Variants in PCDHA3 observed in about 807,000 individuals in gnomAD.
PCDHA3 encodes protocadherin alpha 3.
PCDHA3 carries 41 observed loss-of-function variants against 62.2 expected under a neutral mutation model. The ratio of observed to expected loss-of-function variants is 0.66; its 90% CI spans 0.51 to 0.86. The LOEUF is 0.86. PCDHA3 is among the 40% of genes least tolerant of loss of function. PCDHA3 has a pLI of 0.00. For missense variants in PCDHA3, 1,304 were observed against 1,241.2 expected (o/e 1.05, Z -0.76); for synonymous variants, 640 against 555.4 (o/e 1.15, Z -2.14).
intron 1 of PCDHA3, chr5:140,822,371 T>C: frequency 1.2e-6 from 2 of 1,614,080 alleles, no homozygotes; most frequent in South Asian, 2.2e-5. Context: ...AGGAAATCCT[T>C]AGATAGAGAA....
chr5:140,870,524 T>C (rs1554164360), intron 1 of PCDHA3: 35 of 1,614,076 alleles, frequency 2.2e-5, no homozygotes, highest in Non-Finnish European at 2.8e-5. Context: ...TGCCACATCT[T>C]CACAGTGTCG....
chr5:140,871,017 G>C, intron 1 of PCDHA3: 2 of 1,613,298 alleles, frequency 1.2e-6, no homozygotes, highest in Non-Finnish European at 8.5e-7. Flanking sequence ...CCCTGGACGA[G>C]GCAGACTCGC....
chr5:140,847,343 G>C (rs1554141738), intron 1 of PCDHA3: 1 of 149,722 alleles, frequency 6.7e-6, no homozygotes, highest in Non-Finnish European at 1.5e-5. Flanking sequence ...CACCTCTTAG[G>C]CTGTTATCAG....
intron 1 of PCDHA3, chr5:140,836,178 G>C (rs2150254808): frequency 6.2e-7 from 1 of 1,613,826 alleles, no homozygotes. Flanking sequence ...TGCAGTTGAC[G>C]CTGACTCAGG....
chr5:140,907,782 G>A (rs1285928394), intron 1 of PCDHA3, among the ~76,000 whole-genome samples: 1 of 152,158 alleles, frequency 6.6e-6, no homozygotes, highest in African/African-American at 2.4e-5. Flanking sequence ...AGGGGTGGCT[G>A]GGGAAAGAGG....
chr5:140,946,781 G>A (rs1006814243), intron 1 of PCDHA3, among the ~76,000 whole-genome samples: 6 of 151,330 alleles, frequency 4.0e-5, no homozygotes, highest in African/African-American at 1.2e-4. Flanking sequence ...ATGTAAAAAA[G>A]CTGATCTTAT....
At chr5:140,858,305 C>A in intron 1 of PCDHA3, 1 of 1,597,172 alleles carries the variant, frequency 6.3e-7, no homozygotes. Context: ...GCAGCAGAGG[C>A]GGCAGAGGGT....
At chr5:140,862,122 G>A (rs2047215545) in intron 1 of PCDHA3, 2 of 161,786 alleles carry the variant, frequency 1.2e-5, no homozygotes, top group Admixed American at 5.7e-5. Flanking sequence ...ATAAATAAAT[G>A]TAAAGATAGG....
At chr5:140,923,910 C>T (rs1280601799) in intron 1 of PCDHA3, among the ~76,000 whole-genome samples, 5 of 152,156 alleles carry the variant, frequency 3.3e-5, no homozygotes, top group African/African-American at 1.2e-4. Flanking sequence ...GTGAAGATTT[C>T]CCATACTGTT....
Position 140,809,291 on chromosome 5 carries a change from A to T in PCDHA3, c.2394+5700A>T, listed in dbSNP as rs782054971. 36 of 1,613,936 alleles carry T rather than the reference A, an allele frequency of 2.2e-5. No individual in the cohort carries two copies. Among genetic ancestry groups the T allele is most frequent in the Admixed American group, 2.2e-4 (13 of 60,012 alleles). On this transcript the variant is annotated intron_variant, in intron 1 of 3. Coordinates refer to ENST00000522353, the MANE Select transcript of PCDHA3 (RefSeq NM_018906.3). Reference sequence around the variant, plus strand: ...GGTGGATGTCAACGTATACCTGATCATTGCCATCTGCGCGGTGTCCAGCCT... The same window carrying T: ...GGTGGATGTCAACGTATACCTGATCTTTGCCATCTGCGCGGTGTCCAGCCT...
At chr5:140,860,259 A>T (rs559860776) in intron 1 of PCDHA3, 1 of 151,706 alleles carries the variant, frequency 6.6e-6, no homozygotes. Flanking sequence ...TTTAGTCCCT[A>T]CTGTAGTGCT....
intron 1 of PCDHA3, chr5:140,808,911 G>T (rs1554124881): frequency 6.2e-7 from 1 of 1,613,456 alleles, no homozygotes; most frequent in Non-Finnish European, 8.5e-7. Context: ...GGCACTGGTG[G>T]CGCAGTGAGC....
intron 1 of PCDHA3, chr5:140,968,638 A>T: frequency 6.2e-7 from 1 of 1,614,184 alleles, no homozygotes; most frequent in Non-Finnish European, 8.5e-7. Context: ...TTTACCATCT[A>T]GCCCAGACTT....
chr5:140,857,004 T>C (rs1554149409), intron 1 of PCDHA3: 1 of 1,595,634 alleles, frequency 6.3e-7, no homozygotes, highest in Non-Finnish European at 8.6e-7. Context: ...GAAATTCATG[T>C]AGATGTTACA....
intron 1 of PCDHA3, chr5:140,928,916 G>A (rs1287378711): frequency 5.0e-6 from 8 of 1,613,988 alleles, no homozygotes; most frequent in East Asian, 2.2e-5. Flanking sequence ...GAACCAGGAG[G>A]GCAGCTTTCT....
intron 1 of PCDHA3, chr5:140,882,798 A>AT: frequency 6.2e-7 from 1 of 1,614,236 alleles, no homozygotes; most frequent in Non-Finnish European, 8.5e-7. Flanking sequence ...CCCAACGATT[A>AT]TTTCACTTTG....
At chr5:140,961,345 C>T (rs1440791542) in intron 1 of PCDHA3, among the ~76,000 whole-genome samples, 1 of 152,136 alleles carries the variant, frequency 6.6e-6, no homozygotes, top group Non-Finnish European at 1.5e-5. Context: ...AGAGTGGATC[C>T]CTGTAGTCCC....
intron 3 of PCDHA3, among the ~76,000 whole-genome samples, chr5:141,003,371 G>A (rs782012251): frequency 2.0e-5 from 3 of 152,148 alleles, no homozygotes; most frequent in African/African-American, 7.2e-5. Flanking sequence ...GAGTGCAGTG[G>A]TGCAATCTCA....
intron 1 of PCDHA3, chr5:140,806,981 G>T: frequency 1.6e-6 from 1 of 638,382 alleles, no homozygotes; most frequent in East Asian, 2.8e-5. Flanking sequence ...TTACGGTTTG[G>T]AGCCACATGA....
Sources: allele counts gnomAD v4.1 joint callset (sites outside exome capture counted in the v4.1 genomes callset), GRCh38; gene constraint gnomAD v4.1.1; transcripts MANE v1.5; gene names NCBI Gene and HGNC (gene_info 2026-07-23, HGNC 2026-07-21).